Variants in GRIK2 observed in about 807,000 individuals in gnomAD.
GRIK2 encodes glutamate receptor ionotropic, kainate 2.
In GRIK2, 32 loss-of-function variants were observed where a neutral mutation model predicts 100.3. That is an observed-to-expected ratio of 0.32 (90% confidence interval 0.24 to 0.43). The LOEUF (loss-of-function observed/expected upper bound fraction) is 0.43. GRIK2 is among the 20% of genes least tolerant of loss of function. GRIK2 has a pLI of 1.00. For synonymous variants in GRIK2, 417 were observed against 389.4 expected (o/e 1.07, Z -0.83); for missense variants, 843 against 1,114.9 (o/e 0.76, Z 3.47).
chr6:101,946,927 T>A (rs917034713), intron 14 of GRIK2, among the ~76,000 whole-genome samples: 7 of 152,054 alleles, frequency 4.6e-5, no homozygotes, highest in Non-Finnish European at 1.0e-4. Flanking sequence ...CCACAGAGAA[T>A]GTTACACAGG....
intron 9 of GRIK2, among the ~76,000 whole-genome samples, chr6:101,803,673 T>A (rs2128415199): frequency 6.6e-6 from 1 of 151,990 alleles, no homozygotes; most frequent in South Asian, 2.1e-4. Context: ...ATTTATTTAT[T>A]TATGAAATAT....
At chr6:101,909,508 GAAATT>G (rs895023301) in intron 12 of GRIK2, among the ~76,000 whole-genome samples, 1 of 150,074 alleles carries the variant, frequency 6.7e-6, no homozygotes, top group African/African-American at 2.4e-5. Flanking sequence ...AATATTTTGA[GAAATT>G]AAATAACTGA....
intron 14 of GRIK2, among the ~76,000 whole-genome samples, chr6:101,970,113 CA>C (rs1165798171): frequency 2.6e-5 from 4 of 151,896 alleles, no homozygotes; most frequent in Non-Finnish European, 4.4e-5. Flanking sequence ...ACCTTATACA[CA>C]GAGATTTTCC....
chr6:101,512,686 C>G (rs538469050), intron 2 of GRIK2, among the ~76,000 whole-genome samples: 10 of 151,922 alleles, frequency 6.6e-5, no homozygotes, highest in Admixed American at 1.3e-4. Flanking sequence ...TTTCAATCAA[C>G]AACTTTTTTT....
At chr6:101,469,629 CCAGT>C (rs1771841537) in intron 2 of GRIK2, among the ~76,000 whole-genome samples, 1 of 152,118 alleles carries the variant, frequency 6.6e-6, no homozygotes, top group Admixed American at 6.6e-5. Context: ...TCATTCTTCT[CCAGT>C]CAATGTTTTA....
At chr6:101,781,560 T>A (rs1779094989) in intron 7 of GRIK2, among the ~76,000 whole-genome samples, 1 of 152,200 alleles carries the variant, frequency 6.6e-6, no homozygotes, top group South Asian at 2.1e-4. Flanking sequence ...CACATATGCA[T>A]ACATACACAC....
chr6:101,580,458 C>T (rs937565007), intron 2 of GRIK2, among the ~76,000 whole-genome samples: 2 of 152,182 alleles, frequency 1.3e-5, no homozygotes. Context: ...TTTTCACCAC[C>T]TCTTCCACTA....
chr6:101,709,025 A>C (rs2128357821), intron 7 of GRIK2, among the ~76,000 whole-genome samples: 1 of 151,956 alleles, frequency 6.6e-6, no homozygotes, highest in Admixed American at 6.6e-5. Context: ...ATAGTTAGTC[A>C]ATTTAAAATT....
intron 14 of GRIK2, among the ~76,000 whole-genome samples, chr6:102,007,568 G>A (rs1284499134): frequency 6.6e-6 from 1 of 151,906 alleles, no homozygotes; most frequent in Non-Finnish European, 1.5e-5. Flanking sequence ...CCACCAAATA[G>A]CATGAGAACA....
intron 2 of GRIK2, among the ~76,000 whole-genome samples, chr6:101,564,244 A>AC (rs1562229102): frequency 6.6e-6 from 1 of 152,030 alleles, no homozygotes; most frequent in Admixed American, 6.6e-5. Context: ...ACTAACAATG[A>AC]CCCCCAGAAG....
At chr6:101,949,346 G>T (rs1439614038) in intron 14 of GRIK2, among the ~76,000 whole-genome samples, 1 of 151,898 alleles carries the variant, frequency 6.6e-6, no homozygotes, top group Admixed American at 6.6e-5. Flanking sequence ...TTCTTGTCAG[G>T]TCTAGGAACT....
rs938903472 is a variant in GRIK2, at chr6:102,035,670, A to G, written c.2311+104A>G. The G allele has an allele frequency of 7.9e-6, 5 of 632,242 alleles. No homozygotes were observed. The South Asian group carries it at 1.1e-4, about 14-fold the overall frequency. The allele number at this position is 632,242 out of a possible 1,614,324, so 39.2% of individuals were successfully genotyped here. ...GTATGCCATTAGGAATTTTGTTTTT[A>G]CCAAATGCATCCTGCTACCTCTCTG... On this transcript the variant is annotated intron_variant, in intron 15 of 16. Transcript: ENST00000369134.
chr6:101,486,438 G>C (rs1287108908), intron 2 of GRIK2, among the ~76,000 whole-genome samples: 1 of 151,846 alleles, frequency 6.6e-6, no homozygotes. Flanking sequence ...CAAATTAAGG[G>C]GTTTTCCTTC....
At position 101,889,771 on chromosome 6, in the gene GRIK2, C is replaced by G. The variant is rs1371834863; in HGVS notation, c.1656C>G (p.Val552=). 6.2e-7 allele frequency: 1 copy of G among 1,613,470 alleles called. No individual in the cohort carries two copies. The change falls in exon 12 of 17, where the codon GTC becomes GTG. Residue 552 remains valine (V), a synonymous_variant. Transcript: ENST00000369134. ...AGCCCAATGGTACAAACCCAGGCGT[C>G]TTCTCCTTCCTGAATCCTCTCTCCC... ...YRKPNGTNPG[V]FSFLNPLSPD...
chr6:101,581,071 C>T (rs924666559), intron 2 of GRIK2, among the ~76,000 whole-genome samples: 2 of 151,812 alleles, frequency 1.3e-5, no homozygotes, highest in Admixed American at 1.3e-4. Flanking sequence ...TTTTTTCAGT[C>T]ACTACTGTAT....
rs541568878 is a variant in GRIK2, at chr6:102,068,393, A to G, written c.2609A>G (p.Lys870Arg). ...AMVEELRMSL[K>R]CQRRLKHKPQ... ...GTAGAAGAATTGAGGATGTCCCTGA[A>G]GTGCCAGCGTCGGTTAAAACATAAG... The change falls in exon 17 of 17, where the codon AAG becomes AGG. Residue 870 changes from lysine to arginine, a missense_variant. Lys to Arg is a conservative substitution (Grantham distance 26, BLOSUM62 2). Transcript: ENST00000369134. 1 of 1,612,114 alleles carries G rather than the reference A, an allele frequency of 6.2e-7. No homozygotes were observed. Among genetic ancestry groups the G allele is most frequent in the East Asian group, 2.2e-5 (1 of 44,834 alleles).
intron 2 of GRIK2, among the ~76,000 whole-genome samples, chr6:101,604,824 A>G (rs1282215059): frequency 1.3e-5 from 2 of 152,000 alleles, no homozygotes; most frequent in African/African-American, 4.8e-5. Context: ...CATTTAAAAC[A>G]TAATATTGAC....
intron 7 of GRIK2, among the ~76,000 whole-genome samples, chr6:101,792,929 A>C (rs1227137637): frequency 6.6e-6 from 1 of 151,506 alleles, no homozygotes; most frequent in Admixed American, 6.6e-5. Flanking sequence ...TTTTCTCTAA[A>C]CTTCCCTTCT....
intron 2 of GRIK2, among the ~76,000 whole-genome samples, chr6:101,566,837 A>G (rs1777299289): frequency 6.8e-6 from 1 of 146,648 alleles, no homozygotes; most frequent in South Asian, 2.1e-4. Context: ...TATAATAGGC[A>G]TATACATATA....
Sources: allele counts gnomAD v4.1 joint callset (sites outside exome capture counted in the v4.1 genomes callset), GRCh38; gene constraint gnomAD v4.1.1; transcripts MANE v1.5; gene names NCBI Gene and HGNC (gene_info 2026-07-23, HGNC 2026-07-21).